The following PPARGC1A variants were observed in gnomAD, a reference collection of about 807,000 sequenced individuals.
PPARGC1A encodes the protein PPARG coactivator 1 alpha, also known as peroxisome proliferator-activated receptor gamma coactivator 1-alpha.
Under a neutral mutation model 88.7 loss-of-function variants are expected in PPARGC1A, and 25 were observed. That is an observed-to-expected ratio of 0.28 (90% CI 0.21 to 0.39). PPARGC1A has a LOEUF of 0.39. Among genes scored for constraint, PPARGC1A ranks in the 10% least tolerant of loss-of-function variants. PPARGC1A has a pLI of 1.00. For missense variants in PPARGC1A, 880 were observed against 968.7 expected (o/e 0.91, Z 1.22); for synonymous variants, 363 against 355.6 (o/e 1.02, Z -0.24).
At chr4:23,871,462 T>C in intron 2 of PPARGC1A, among the ~76,000 whole-genome samples, 1 of 152,246 alleles carries the variant, frequency 6.6e-6, no homozygotes, top group Non-Finnish European at 1.5e-5. Flanking sequence ...TTCAGGCATT[T>C]GCCCAGACTC....
the PPARGC1A span, among the ~76,000 whole-genome samples, chr4:23,981,321 A>T: frequency 2.0e-5 from 3 of 152,158 alleles, no homozygotes; most frequent in Non-Finnish European, 4.4e-5. Context: ...TAACCAGAAG[A>T]ACATAACACA....
Position 23,862,821 on chromosome 4 carries a change from C to A in PPARGC1A, c.234+21931G>T, listed in dbSNP as rs1731468200. Among the ~76,000 whole-genome samples, 2 of 152,218 alleles carry A rather than the reference C, an allele frequency of 1.3e-5. 1 individual carries two copies. Among genetic ancestry groups the A allele is most frequent in the African/African-American group, 4.8e-5 (2 of 41,524 alleles). ...CAAAAGGGGATCCCTTAAATCTTTC[C>A]TCCAGTTTATTTGCCAAATAAACAA... On this transcript the variant is annotated intron_variant, in intron 2 of 12. Transcript: ENST00000264867.
At chr4:24,140,620 A>T in the PPARGC1A span, among the ~76,000 whole-genome samples, 1 of 152,182 alleles carries the variant, frequency 6.6e-6, no homozygotes, top group Non-Finnish European at 1.5e-5. Context: ...GAATTATATG[A>T]CAGTGGCCTA....
the PPARGC1A span, among the ~76,000 whole-genome samples, chr4:24,009,133 T>TAAAAAAA: frequency 1.5e-4 from 11 of 74,466 alleles, no homozygotes; most frequent in Non-Finnish European, 2.3e-4. Flanking sequence ...CCGCAGTCTA[T>TAAAAAAA]AAAAAAAAAA....
chr4:24,037,528 T>A, the PPARGC1A span, among the ~76,000 whole-genome samples: 1 of 152,232 alleles, frequency 6.6e-6, no homozygotes, highest in Admixed American at 6.5e-5. Flanking sequence ...CAGCCATGCT[T>A]GTAAAACCTG....
At chr4:23,896,084 T>C (rs1718567062) in intron 1 of PPARGC1A, among the ~76,000 whole-genome samples, 1 of 151,518 alleles carries the variant, frequency 6.6e-6, no homozygotes, top group African/African-American at 2.4e-5. Context: ...TACATTAGGG[T>C]TTAAAATGAA....
At chr4:24,376,704 T>C in the PPARGC1A span, among the ~76,000 whole-genome samples, 2 of 152,216 alleles carry the variant, frequency 1.3e-5, no homozygotes, top group Admixed American at 1.3e-4. Flanking sequence ...GAAATACTTA[T>C]TCATTACCTT....
At chr4:24,074,840 G>T in the PPARGC1A span, among the ~76,000 whole-genome samples, 1 of 152,098 alleles carries the variant, frequency 6.6e-6, no homozygotes, top group Admixed American at 6.6e-5. Context: ...TAGGTTTTTG[G>T]AACTATAGTA....
chr4:24,284,265 C>T, the PPARGC1A span, among the ~76,000 whole-genome samples: 15 of 152,004 alleles, frequency 9.9e-5, no homozygotes, highest in African/African-American at 2.2e-4. Context: ...ACCGAGATCA[C>T]GCCACTGCAC....
upstream of PPARGC1A, chr4:23,890,220 A>T (rs1717622976): frequency 3.5e-5 from 6 of 173,602 alleles, no homozygotes; most frequent in South Asian, 3.1e-4. Context: ...AACGCTTTAA[A>T]AAAAAAAAAA....
chr4:24,368,067 C>T, the PPARGC1A span, among the ~76,000 whole-genome samples: 1 of 152,088 alleles, frequency 6.6e-6, no homozygotes, highest in Non-Finnish European at 1.5e-5. Context: ...CTAAAAATAC[C>T]TTCCTACAAC....
chr4:24,049,692 G>C, the PPARGC1A span, among the ~76,000 whole-genome samples: 2 of 152,018 alleles, frequency 1.3e-5, no homozygotes, highest in Non-Finnish European at 2.9e-5. Flanking sequence ...TGAGGGGTTT[G>C]AGCTCTGTAA....
chr4:24,327,985 A>G, the PPARGC1A span, among the ~76,000 whole-genome samples: 2 of 152,074 alleles, frequency 1.3e-5, no homozygotes, highest in South Asian at 4.2e-4. Context: ...CTGGCTCAGA[A>G]GCTCCCCCAC....
the PPARGC1A span, among the ~76,000 whole-genome samples, chr4:23,961,284 A>G: frequency 6.6e-6 from 1 of 152,158 alleles, no homozygotes; most frequent in East Asian, 1.9e-4. Flanking sequence ...AGAAGGTCAA[A>G]ATCTCCTAAC....
At chr4:24,363,286 T>G in the PPARGC1A span, among the ~76,000 whole-genome samples, 1 of 152,064 alleles carries the variant, frequency 6.6e-6, no homozygotes, top group Non-Finnish European at 1.5e-5. Context: ...CTCACTTATA[T>G]GTCGATCTAA....
the PPARGC1A span, among the ~76,000 whole-genome samples, chr4:24,047,538 A>G: frequency 6.6e-6 from 1 of 152,228 alleles, no homozygotes; most frequent in African/African-American, 2.4e-5. Context: ...CATAAAGGAA[A>G]CTAAGGCTTA....
chr4:24,174,318 C>T, the PPARGC1A span, among the ~76,000 whole-genome samples: 1 of 152,178 alleles, frequency 6.6e-6, no homozygotes, highest in South Asian at 2.1e-4. Context: ...ACCTGAGACG[C>T]TTATTAAACG....
the PPARGC1A span, among the ~76,000 whole-genome samples, chr4:24,370,007 T>C: frequency 6.6e-6 from 1 of 152,222 alleles, no homozygotes; most frequent in Non-Finnish European, 1.5e-5. Context: ...AGGCTTGGCT[T>C]GGGGATAATA....
chr4:23,947,521 T>C, the PPARGC1A span, among the ~76,000 whole-genome samples: 5 of 151,752 alleles, frequency 3.3e-5, no homozygotes, highest in East Asian at 2.0e-4. Context: ...ACCTGCATCT[T>C]CATCCACCCC....
Sources: gnomAD v4.1 joint callset for allele counts (sites outside exome capture counted in the v4.1 genomes callset) on GRCh38, gnomAD v4.1.1 for gene constraint, MANE v1.5 for transcripts, NCBI Gene and HGNC (gene_info 2026-07-23, HGNC 2026-07-21) for gene names.